The following PDCD6IP variants were observed in gnomAD, a reference collection of about 807,000 sequenced individuals.
PDCD6IP encodes the protein programmed cell death 6 interacting protein.
Under a neutral mutation model 103.7 loss-of-function variants are expected in PDCD6IP, and 43 were observed. The observed-to-expected ratio is 0.41, with a 90% CI of 0.32 to 0.53. PDCD6IP has a LOEUF of 0.53. Among genes scored for constraint, PDCD6IP ranks in the 20% least tolerant of loss-of-function variants. The probability of loss-of-function intolerance (pLI) is 0.16; values close to 1 mark genes in which losing one functional copy is unlikely to be tolerated. For synonymous variants in PDCD6IP, 354 were observed against 378.7 expected (o/e 0.93, Z 0.76); for missense variants, 871 against 1,036.7 (o/e 0.84, Z 2.20).
At chr3:33,833,447 T>C (rs1697283190) in intron 7 of PDCD6IP, among the ~76,000 whole-genome samples, 1 of 152,196 alleles carries the variant, frequency 6.6e-6, no homozygotes, top group Non-Finnish European at 1.5e-5. Context: ...TTTTTTACTA[T>C]GATTTCTGTG....
chr3:33,853,177 C>G (rs1697758487), intron 13 of PDCD6IP, among the ~76,000 whole-genome samples: 1 of 152,146 alleles, frequency 6.6e-6, no homozygotes, highest in Admixed American at 6.6e-5. Flanking sequence ...CCTGCCTTGG[C>G]CTCCCAAAGT....
intron 3 of PDCD6IP, among the ~76,000 whole-genome samples, chr3:33,816,525 A>G (rs1486559636): frequency 1.3e-5 from 2 of 151,494 alleles, no homozygotes; most frequent in Non-Finnish European, 2.9e-5. Context: ...AAAAAAAAAA[A>G]AAAGAAAATA....
chr3:33,842,055 A>G lies in PDCD6IP; in HGVS notation c.1340A>G (p.Asn447Ser). ...GAACTGCCTGAATTACTGCAACGAA[A>G]TAGAGAAATCCTAGATGAGGTATGT... is the stretch of plus-strand genomic sequence containing the variant. ...IKELPELLQR[N>S]REILDESLRL... is the part of the protein sequence containing the mutation. Residue 447 changes from asparagine (N) to serine (S), a missense_variant, in exon 10 of 18, where the codon AAT becomes AGT. Asn to Ser is a conservative substitution (Grantham distance 46). Transcript: ENST00000307296. 1 of 1,612,112 alleles carries G rather than the reference A, an allele frequency of 6.2e-7. No homozygotes were observed. Among genetic ancestry groups the G allele is most frequent in the Non-Finnish European group, 8.5e-7 (1 of 1,178,850 alleles).
At chr3:33,854,591 T>G (rs1479644540) in intron 14 of PDCD6IP, 1 of 152,282 alleles carries the variant, frequency 6.6e-6, no homozygotes, top group Non-Finnish European at 1.5e-5. Flanking sequence ...GTACTTAACT[T>G]CATAATAATC....
chr3:33,862,534 A>G lies in PDCD6IP; in HGVS notation c.2121-1472A>G, dbSNP rs150263116. On this transcript the variant is annotated intron_variant, in intron 15 of 17. Coordinates refer to ENST00000307296, the MANE Select transcript of PDCD6IP (RefSeq NM_013374.6). The stretch of plus-strand genomic sequence containing the variant: ...ATTTCAATTTACTGTTAGAGGAGAC[A>G]GAATTTTCTAATATTTAATACTAAA... Among the ~76,000 whole-genome samples, 859 of 152,348 alleles carry G rather than the reference A, an allele frequency of 5.6e-3. 2 individuals carry two copies. Among genetic ancestry groups the G allele is most frequent in the Non-Finnish European group, 0.01 (696 of 68,026 alleles).
At chr3:33,816,889 A>T (rs1696865433) in intron 3 of PDCD6IP, among the ~76,000 whole-genome samples, 2 of 152,232 alleles carry the variant, frequency 1.3e-5, no homozygotes, top group African/African-American at 4.8e-5. Context: ...ACTAGGAGAC[A>T]CTTGAGTGAT....
rs1438724757 is a variant in PDCD6IP at position 33,825,233 on chromosome 3, C to T, written c.509C>T (p.Ala170Val). Residue 170 changes from alanine (A) to valine (V), a missense_variant, in exon 5 of 18, where the codon GCC becomes GTC. Ala to Val is a moderately conservative substitution (Grantham distance 64). Around this residue, in one of 5 missense-constraint regions of PDCD6IP, gnomAD observed 242 missense variants for 250.7 expected, o/e 0.97. Coordinates refer to ENST00000307296, the MANE Select transcript of PDCD6IP (RefSeq NM_013374.6). ...FLHIKETVLS[A>V]LSREPTVDIS... ...CATATTAAAGAGACGGTTTTATCTG[C>T]CTTAAGTCGAGAGCCGACCGTGGAC... 4 of 1,613,340 alleles carry T rather than the reference C, an allele frequency of 2.5e-6. No individual in the cohort carries two copies. The highest frequency in any genetic ancestry group is 2.5e-6 in the Non-Finnish European group (3 of 1,179,744).
intron 12 of PDCD6IP, among the ~76,000 whole-genome samples, chr3:33,848,995 C>T (rs892952626): frequency 1.3e-5 from 2 of 152,250 alleles, no homozygotes; most frequent in African/African-American, 2.4e-5. Flanking sequence ...AACATAGCTG[C>T]GCTCATTCAT....
intron 12 of PDCD6IP, among the ~76,000 whole-genome samples, chr3:33,848,111 C>T (rs1413479848): frequency 6.6e-6 from 1 of 152,166 alleles, no homozygotes; most frequent in Admixed American, 6.5e-5. Context: ...AGCTTTTACT[C>T]CTGATTTCTC....
In PDCD6IP at chr3:33,844,213, T is replaced by G; in HGVS notation, c.1461T>G (p.Pro487=). The stretch of plus-strand genomic sequence containing the variant: ...CACCATCCAATGAACTGTATAAGCC[T>G]TTAAGAGCAGGTAAAAATGTGTATA... ...QRTPSNELYK[P]LRAEGTNFRT... is the part of the protein sequence containing the mutation. The change falls in exon 11 of 18, where the codon CCT becomes CCG. Residue 487 remains proline (P), a synonymous_variant. Transcript: ENST00000307296. 6.5e-7 allele frequency: 1 copy of G among 1,531,970 alleles called. No homozygotes were observed. Among genetic ancestry groups the G allele is most frequent in the Non-Finnish European group, 8.7e-7 (1 of 1,144,248 alleles). 94.9% of individuals were successfully genotyped at this position (1,531,970 alleles called of 1,614,324 possible).
rs1201405011 is a variant in PDCD6IP at position 33,869,095 on chromosome 3, A to C, written c.*2570A>C. On this transcript the variant is annotated 3_prime_UTR_variant, in exon 18 of 18. Coordinates refer to ENST00000307296, the MANE Select transcript of PDCD6IP (RefSeq NM_013374.6). Reference sequence around the variant, plus strand: ...GGATTTCACAGAGCCTTGTGTCCCTAAAGTTCTGTCCCAGTCAGCAGTCTT... The same window carrying C: ...GGATTTCACAGAGCCTTGTGTCCCTCAAGTTCTGTCCCAGTCAGCAGTCTT... The C allele has an allele frequency of 4.6e-5, 7 of 152,230 alleles. No individual in the cohort carries two copies. Among genetic ancestry groups the C allele is most frequent in the Admixed American group, 2.0e-4 (3 of 15,284 alleles). 9.4% of individuals were successfully genotyped at this position (152,230 alleles called of 1,614,324 possible).
chr3:33,846,295 C>T (rs990528148), intron 12 of PDCD6IP, among the ~76,000 whole-genome samples: 8 of 152,070 alleles, frequency 5.3e-5, no homozygotes, highest in African/African-American at 1.4e-4. Context: ...GAGTTTTGTT[C>T]CTTATTTGTC....
At chr3:33,845,313 AG>A (rs1697568143) in intron 11 of PDCD6IP, 105 bp from the exon 12 acceptor site, 1 of 705,250 alleles carries the variant, frequency 1.4e-6, no homozygotes, top group South Asian at 2.3e-5. Flanking sequence ...GGTCTATAGA[AG>A]GGGAGGATAA....
intron 1 of PDCD6IP, among the ~76,000 whole-genome samples, chr3:33,802,053 G>T (rs2125539676): frequency 6.6e-6 from 1 of 152,308 alleles, no homozygotes; most frequent in South Asian, 2.1e-4. Context: ...TTTGTAAAAA[G>T]TTGGCAGGTA....
Position 33,835,194 on chromosome 3 carries a change from A to T in PDCD6IP, c.835-850A>T. On this transcript the variant is annotated intron_variant, in intron 7 of 17. Transcript: ENST00000307296. ...TTTTTATAAGGCCAAACTTAAAAAA[A>T]AATTCTTATTGATGTTGACATGTTG... The T allele has an allele frequency of 1.5e-5, 7 of 456,342 alleles. 1 individual carries two copies. The highest frequency in any genetic ancestry group is 1.1e-4 in the South Asian group (7 of 64,526). The allele number at this position is 456,342 out of a possible 1,614,324, so 28.3% of individuals were successfully genotyped here. A position where few individuals can be genotyped will look rare whatever the true frequency, so the allele number is the denominator to read the frequency against.
At chr3:33,839,217 T>A (rs181187872) in intron 9 of PDCD6IP, among the ~76,000 whole-genome samples, 1 of 152,216 alleles carries the variant, frequency 6.6e-6, no homozygotes, top group South Asian at 2.1e-4. Flanking sequence ...TCCCAGTCCT[T>A]CTTCTTTTAG....
At chr3:33,853,848 ATG>A in intron 13 of PDCD6IP, 29 bp from the exon 14 acceptor site, 1 of 1,362,270 alleles carries the variant, frequency 7.3e-7, no homozygotes, top group Non-Finnish European at 9.7e-7. Flanking sequence ...TTATAAATAA[ATG>A]TAAATATGTA....
At chr3:33,820,746 G>T (rs565998961) in intron 3 of PDCD6IP, among the ~76,000 whole-genome samples, 108 of 152,060 alleles carry the variant, frequency 7.1e-4, no homozygotes, top group Non-Finnish European at 1.4e-3. Flanking sequence ...CTTGTTCAAG[G>T]CTCACTAATA....
chr3:33,850,644 T>C (rs914102532), intron 12 of PDCD6IP, among the ~76,000 whole-genome samples: 30 of 152,198 alleles, frequency 2.0e-4, no homozygotes, highest in African/African-American at 6.5e-4. Context: ...GTATATGCTT[T>C]TGTATCCTTT....
Sources: gnomAD v4.1 joint callset for allele counts (sites outside exome capture counted in the v4.1 genomes callset) on GRCh38, gnomAD v4.1.1 for gene constraint, gnomAD v4.1.1 regional missense constraint, MANE v1.5 for transcripts, NCBI Gene and HGNC (gene_info 2026-07-23, HGNC 2026-07-21) for gene names.